The following MACROD2 variants were observed in gnomAD, a reference collection of about 807,000 sequenced individuals.
The protein encoded by MACROD2 is ADP-ribose glycohydrolase MACROD2.
MACROD2 carries 36 observed loss-of-function variants against 70.4 expected under a neutral mutation model. That is an observed-to-expected ratio of 0.51 (90% confidence interval 0.39 to 0.68). The LOEUF is 0.68. MACROD2 is among the 30% of genes least tolerant of loss of function. The pLI is 0.00. For missense variants in MACROD2, 496 were observed against 538.4 expected (o/e 0.92, Z 0.78); for synonymous variants, 172 against 178.8 (o/e 0.96, Z 0.30).
chr20:15,627,969 C>T (rs2049230766), intron 8 of MACROD2, among the ~76,000 whole-genome samples: 2 of 152,146 alleles, frequency 1.3e-5, no homozygotes, highest in South Asian at 2.1e-4. Flanking sequence ...CTTGCAAAGT[C>T]AGTTTTAGTA....
Position 14,371,254 on chromosome 20 carries a change from G to A in MACROD2, c.272-122225G>A, listed in dbSNP as rs140523398. Among the ~76,000 whole-genome samples the A allele has an allele frequency of 4.4e-3, 663 of 152,218 alleles. 3 individuals are homozygous for A. Among genetic ancestry groups the A allele is most frequent in the African/African-American group, 0.015 (617 of 41,540 alleles). ...GATACCAGCTCTTTGGTAGGCTGAG[G>A]TGGGAGGATCACTTGAGGCCAGGAG... On this transcript the variant is annotated intron_variant, in intron 3 of 17. Coordinates refer to ENST00000684519, the MANE Select transcript of MACROD2 (RefSeq NM_001351661.2).
At chr20:15,982,897 C>T (rs1050532153) in intron 13 of MACROD2, among the ~76,000 whole-genome samples, 5 of 144,908 alleles carry the variant, frequency 3.5e-5, no homozygotes, top group African/African-American at 5.5e-5. Flanking sequence ...GGCGCTTGGA[C>T]GTGGGGGCCA....
At chr20:15,567,236 A>G (rs534977604) in intron 8 of MACROD2, among the ~76,000 whole-genome samples, 1 of 152,278 alleles carries the variant, frequency 6.6e-6, no homozygotes, top group South Asian at 2.1e-4. Context: ...TCAAGACTTT[A>G]TTATTTTATG....
At position 13,995,730 on chromosome 20, in the gene MACROD2, C is replaced by T. The variant is rs1021199733; in HGVS notation, c.-34C>T. ...CCTGTTTGCCCGTGAGCCTGGGGAA[C>T]TTGCAGCTTAAAGCCAGCCACCCCC... On this transcript the variant is annotated 5_prime_UTR_variant, in exon 1 of 18. Transcript: ENST00000684519. This position sits in a 1 kb window ranked among gnomAD's most constrained non-coding sequence, Gnocchi z 4.3. 1 of 1,585,448 alleles carries T rather than the reference C, an allele frequency of 6.3e-7. No homozygotes were observed. The highest frequency in any genetic ancestry group is 8.6e-7 in the Non-Finnish European group (1 of 1,161,572).
At chr20:14,935,712 C>G (rs1365501233) in intron 5 of MACROD2, among the ~76,000 whole-genome samples, 1 of 152,162 alleles carries the variant, frequency 6.6e-6, no homozygotes, top group African/African-American at 2.4e-5. Flanking sequence ...AATCCTCTCA[C>G]TACCACAGTG....
At chr20:15,107,548 CTTT>C (rs145397339) in intron 5 of MACROD2, among the ~76,000 whole-genome samples, 1 of 145,364 alleles carries the variant, frequency 6.9e-6, no homozygotes, top group Non-Finnish European at 1.5e-5. Flanking sequence ...TGCTTCCTAT[CTTT>C]TTTTTTTTTC....
chr20:14,734,109 A>G (rs1433831428), intron 5 of MACROD2, among the ~76,000 whole-genome samples: 1 of 152,114 alleles, frequency 6.6e-6, no homozygotes, highest in African/African-American at 2.4e-5. Context: ...CATCTTCTTA[A>G]AAACCGTCAA....
chr20:15,801,212 C>T (rs1398697728), intron 8 of MACROD2, among the ~76,000 whole-genome samples: 1 of 122,766 alleles, frequency 8.1e-6, no homozygotes, highest in African/African-American at 3.1e-5. Flanking sequence ...AAACGAAAAA[C>T]AAAACAAACA....
chr20:15,961,914 G>A (rs1215334588), intron 12 of MACROD2, among the ~76,000 whole-genome samples: 1 of 152,190 alleles, frequency 6.6e-6, no homozygotes, highest in East Asian at 1.9e-4. Context: ...AAGGATGGAG[G>A]TCAAGGATAC....
At chr20:14,497,376 C>G (rs897961338) in intron 4 of MACROD2, among the ~76,000 whole-genome samples, 1 of 151,582 alleles carries the variant, frequency 6.6e-6, no homozygotes, top group East Asian at 1.9e-4. Context: ...GATGCTGGTA[C>G]TTTTGGAATA....
chr20:15,565,044 T>C (rs2048293010), intron 8 of MACROD2, among the ~76,000 whole-genome samples: 1 of 152,156 alleles, frequency 6.6e-6, no homozygotes, highest in South Asian at 2.1e-4. Flanking sequence ...CAGTTAGCTC[T>C]GGGATATCAT....
intron 6 of MACROD2, among the ~76,000 whole-genome samples, chr20:15,285,577 G>A (rs1330524315): frequency 6.6e-5 from 10 of 152,110 alleles, no homozygotes; most frequent in African/African-American, 2.4e-4. Context: ...TTGCTGGTCT[G>A]TTTGATATTA....
At position 14,735,645 on chromosome 20, in the gene MACROD2, C is replaced by G. The variant is rs146088692; in HGVS notation, c.418+50686C>G. Among the ~76,000 whole-genome samples the G allele has an allele frequency of 6.7e-3, 1,024 of 152,008 alleles. 14 individuals carry two copies. The highest frequency in any genetic ancestry group is 0.022 in the African/African-American group (928 of 41,424). On this transcript the variant is annotated intron_variant, in intron 5 of 17. Transcript: ENST00000684519. ...GGTGGCTTGCTTGAGCCCAGGAGTT[C>G]GTGACCAGCCTGGACAATGTGGCAA...
At chr20:14,387,813 T>C (rs1012614664) in intron 3 of MACROD2, among the ~76,000 whole-genome samples, 1 of 152,214 alleles carries the variant, frequency 6.6e-6, no homozygotes, top group East Asian at 1.9e-4. Flanking sequence ...GTTGCAAGTG[T>C]CTCACCAGAC....
intron 3 of MACROD2, among the ~76,000 whole-genome samples, chr20:14,344,212 T>G (rs747105359): frequency 2.0e-5 from 3 of 152,370 alleles, no homozygotes; most frequent in South Asian, 4.1e-4. Context: ...TGGCACTGTC[T>G]GCAGGAAGCA....
At chr20:15,871,106 G>A (rs1200827299) in intron 9 of MACROD2, among the ~76,000 whole-genome samples, 1 of 148,600 alleles carries the variant, frequency 6.7e-6, no homozygotes, top group South Asian at 2.1e-4. Flanking sequence ...AACCCGAGAG[G>A]TGGAGGTTGC....
intron 5 of MACROD2, among the ~76,000 whole-genome samples, chr20:14,971,921 A>G (rs1468351936): frequency 2.0e-5 from 3 of 152,164 alleles, no homozygotes; most frequent in Non-Finnish European, 4.4e-5. Context: ...TATTGGCACA[A>G]CTGCCGGCAT....
chr20:14,194,865 C>A (rs2081417146), intron 3 of MACROD2, among the ~76,000 whole-genome samples: 1 of 152,160 alleles, frequency 6.6e-6, no homozygotes, highest in Admixed American at 6.5e-5. Flanking sequence ...TACCAACAAG[C>A]TTGAGACAGT....
chr20:15,424,043 A>T (rs1001576990), intron 6 of MACROD2, among the ~76,000 whole-genome samples: 6 of 151,196 alleles, frequency 4.0e-5, no homozygotes, highest in Non-Finnish European at 8.9e-5. Context: ...CTGACCTCTA[A>T]TGTCCTCTAG....
Sources: allele counts gnomAD v4.1 joint callset (sites outside exome capture counted in the v4.1 genomes callset), GRCh38; gene constraint gnomAD v4.1.1; non-coding constraint Gnocchi (gnomAD v3.1); transcripts MANE v1.5; gene names NCBI Gene and HGNC (gene_info 2026-07-23, HGNC 2026-07-21).